Variants in NMD3 observed in about 807,000 individuals in gnomAD.
The protein encoded by NMD3 is 60S ribosomal export protein NMD3.
In NMD3, 47 loss-of-function variants were observed where a neutral mutation model predicts 73.1. That is an observed-to-expected ratio of 0.64 (90% CI 0.51 to 0.82). NMD3 has a LOEUF of 0.82. Among genes scored for constraint, NMD3 ranks in the 40% least tolerant of loss-of-function variants. The pLI is 0.00. For synonymous variants in NMD3, 210 were observed against 194.5 expected, an observed-to-expected ratio of 1.08 and a Z score of -0.66; for missense variants, 554 against 612.5, an observed-to-expected ratio of 0.90 and a Z score of 1.01.
At chr3:161,234,955 T>C in intron 6 of NMD3, 100 bp downstream of exon 6, 2 of 1,225,262 alleles carry the variant, frequency 1.6e-6, no homozygotes, top group South Asian at 1.3e-5. Context: ...TCTGGGTCCC[T>C]GAAGCATTCA....
Position 161,250,881 on chromosome 3 carries a change from G to A in NMD3, c.1483G>A (p.Gly495Ser), listed in dbSNP as rs1737460709. ...CCTTCATATTTCCCAAGATGCCACT[G>A]GTGAAGAAGGTGCATCAATGCTGAC... ...EDLHISQDAT[G>S]EEGASMLT is the part of the protein sequence containing the mutation. Residue 495 changes from glycine to serine, a missense_variant, in exon 16 of 16, where the codon GGT (glycine) becomes AGT (serine). Physicochemically the swap from Gly to Ser is moderately conservative, Grantham distance 56. Transcript: ENST00000351193. 1.2e-6 allele frequency: 2 copies of A among 1,612,002 alleles called. No homozygotes were observed. Among genetic ancestry groups the A allele is most frequent in the African/African-American group, 2.7e-5 (2 of 74,870 alleles).
intron 2 of NMD3, among the ~76,000 whole-genome samples, chr3:161,224,279 A>G (rs1736220885): frequency 6.6e-6 from 1 of 152,222 alleles, no homozygotes; most frequent in African/African-American, 2.4e-5. Context: ...CAGTTGCCAC[A>G]TGTGGCTAGT....
chr3:161,234,349 C>T (rs1231727936), intron 5 of NMD3, among the ~76,000 whole-genome samples: 1 of 151,470 alleles, frequency 6.6e-6, no homozygotes, highest in African/African-American at 2.4e-5. Flanking sequence ...ATCACTTGAG[C>T]CCAGGAGGCA....
chr3:161,245,503 T>G (rs1051779764), intron 11 of NMD3, among the ~76,000 whole-genome samples: 5 of 152,084 alleles, frequency 3.3e-5, no homozygotes, highest in Non-Finnish European at 5.9e-5. Flanking sequence ...ACTTGTCTTT[T>G]ATTTCAGTTT....
chr3:161,225,486 G>A (rs1356209542), intron 3 of NMD3, among the ~76,000 whole-genome samples: 2 of 151,964 alleles, frequency 1.3e-5, no homozygotes, highest in East Asian at 1.9e-4. Flanking sequence ...TAACATTCAC[G>A]TGTAATTAAA....
intron 10 of NMD3, among the ~76,000 whole-genome samples, chr3:161,241,482 G>A (rs373544923): frequency 1.2e-4 from 18 of 147,272 alleles, no homozygotes; most frequent in African/African-American, 1.8e-4. Context: ...GTGCAGTGGC[G>A]CAATCTCAGC....
At position 161,224,218 on chromosome 3, in the gene NMD3, A is replaced by G. The variant is rs183102265; in HGVS notation, c.45-712A>G. 2.2e-4 allele frequency among the ~76,000 whole-genome samples: 33 copies of G among 152,314 alleles called. 1 individual carries two copies. Among genetic ancestry groups the G allele is most frequent in the Non-Finnish European group, 1.8e-4 (12 of 68,022 alleles). On this transcript the variant is annotated intron_variant, in intron 2 of 15. Coordinates refer to ENST00000351193, the MANE Select transcript of NMD3 (RefSeq NM_015938.5). The stretch of plus-strand genomic sequence containing the variant: ...ACTGGCTATTTAAATGTAAATTTGA[A>G]TTAAAAAAATAAATTGAGTTTCTCA...
downstream of NMD3, chr3:161,252,851 C>T (rs1737543185): frequency 1.4e-6 from 1 of 691,746 alleles, no homozygotes; most frequent in Non-Finnish European, 2.6e-6. Flanking sequence ...GTAATCCCAG[C>T]ACTTTGGGAG....
intron 3 of NMD3, among the ~76,000 whole-genome samples, chr3:161,225,417 G>A (rs891489949): frequency 6.6e-6 from 1 of 152,072 alleles, no homozygotes; most frequent in African/African-American, 2.4e-5. Context: ...GTTATTAGAA[G>A]CCATGTATGA....
intron 4 of NMD3, among the ~76,000 whole-genome samples, chr3:161,232,545 G>C (rs997886816): frequency 2.0e-5 from 3 of 152,140 alleles, no homozygotes; most frequent in African/African-American, 7.2e-5. Context: ...TTCGGTATAG[G>C]TAGTCACAAA....
intron 6 of NMD3, 108 bp from the exon 7 acceptor site, chr3:161,235,014 T>C (rs1195613030): frequency 1.1e-6 from 1 of 948,884 alleles, no homozygotes; most frequent in East Asian, 2.5e-5. Flanking sequence ...TTAAAGATTG[T>C]TATTGTTTGA....
intron 6 of NMD3, 25 bp from the exon 7 acceptor site, chr3:161,235,097 A>C: frequency 8.1e-7 from 1 of 1,227,222 alleles, no homozygotes; most frequent in Non-Finnish European, 1.2e-6. Flanking sequence ...TGGGGCATTT[A>C]TTGATCAAAT....
chr3:161,245,386 A>G (rs1363954808), intron 11 of NMD3, among the ~76,000 whole-genome samples: 2 of 152,012 alleles, frequency 1.3e-5, no homozygotes, highest in Admixed American at 1.3e-4. Context: ...AGAAGAGGTT[A>G]ATAAATTTCT....
At chr3:161,226,434 G>A (rs55688744) in intron 3 of NMD3, among the ~76,000 whole-genome samples, 75,254 of 151,734 alleles carry the variant, frequency 0.5, 19,103 homozygotes, top group East Asian at 0.78. Flanking sequence ...GGGATGGAGC[G>A]AGACTCTGTC....
At chr3:161,247,177 A>C (rs891060976) in intron 12 of NMD3, 81 bp from the exon 13 acceptor site, 8 of 797,202 alleles carry the variant, frequency 1.0e-5, no homozygotes, top group Middle Eastern at 2.3e-4. Flanking sequence ...ATTTTTAGGA[A>C]GTTTTAGGTG....
chr3:161,252,746 A>G, downstream of NMD3: 1 of 670,894 alleles, frequency 1.5e-6, no homozygotes. Context: ...TTTACAAGTC[A>G]TTATGACCAT....
intron 10 of NMD3, 146 bp downstream of exon 10, chr3:161,241,309 G>A: frequency 3.8e-6 from 2 of 525,876 alleles, no homozygotes; most frequent in South Asian, 2.9e-5. Context: ...ACAAAACATT[G>A]TGGAATTTGC....
chr3:161,239,760 A>G (rs896990378), intron 9 of NMD3, among the ~76,000 whole-genome samples: 10 of 152,226 alleles, frequency 6.6e-5, no homozygotes, highest in African/African-American at 1.9e-4. Flanking sequence ...AGGGTCAGCA[A>G]ACTTTCTCTG....
At chr3:161,227,393 G>GAAAATT (rs763855439) in intron 4 of NMD3, 50 bp downstream of exon 4, 6 of 1,042,004 alleles carry the variant, frequency 5.8e-6, no homozygotes, top group Non-Finnish European at 8.4e-6. Context: ...TTCATTAAAG[G>GAAAATT]TCTCATTTTC....
Sources: gnomAD v4.1 joint callset for allele counts (sites outside exome capture counted in the v4.1 genomes callset) on GRCh38, gnomAD v4.1.1 for gene constraint, MANE v1.5 for transcripts, NCBI Gene and HGNC (gene_info 2026-07-23, HGNC 2026-07-21) for gene names.